CD7: variants seen among roughly 807,000 people sequenced by gnomAD.
CD7 encodes the protein T-cell antigen CD7.
In CD7, 19 loss-of-function variants were observed where a neutral mutation model predicts 17.6. The observed-to-expected ratio is 1.08, with a 90% CI of 0.75 to 1.58. The LOEUF (loss-of-function observed/expected upper bound fraction) is 1.58, where lower values mean the gene tolerates loss of function less well. Among genes scored for constraint, CD7 ranks in the 40% most tolerant of loss-of-function variants. The pLI is 0.00. For synonymous variants in CD7, 160 were observed against 159.8 expected, an observed-to-expected ratio of 1.00 and a Z score of -0.01; for missense variants, 291 against 327.1, an observed-to-expected ratio of 0.89 and a Z score of 0.85.
chr17:82,316,317 G>A lies in CD7; in HGVS notation c.490C>T (p.Pro164Ser). The change falls in exon 3 of 4, where the codon CCG (proline) becomes TCG (serine). Residue 164 changes from proline to serine, a missense_variant. Physicochemically the swap from Pro to Ser is moderately conservative, Grantham distance 74. Transcript: ENST00000312648. Reference protein sequence around the residue: ...APPTGSALPDPQTASALPDPP... With the variant: ...APPTGSALPDSQTASALPDPP... ...TCAGGGAGGGCAGAGGCTGTCTGCG[G>A]GTCAGGGAGGGCGGAGCCTGTCGGT... 10 of 1,574,850 alleles carry A rather than the reference G, an allele frequency of 6.3e-6. No individual in the cohort carries two copies. The highest frequency in any genetic ancestry group is 8.6e-6 in the Non-Finnish European group (10 of 1,158,892).
chr17:82,314,953 T>G lies in CD7; in HGVS notation c.*368A>C. The G allele has an allele frequency of 2.2e-5, 5 of 227,790 alleles. No individual in the cohort carries two copies. Among genetic ancestry groups the G allele is most frequent in the South Asian group, 1.1e-4 (2 of 17,788 alleles). 14.1% of individuals were successfully genotyped at this position (227,790 alleles called of 1,614,324 possible). A position where few individuals can be genotyped will look rare whatever the true frequency, so the allele number is the denominator to read the frequency against. On this transcript the variant is annotated 3_prime_UTR_variant, in exon 4 of 4. Coordinates refer to ENST00000312648, the MANE Select transcript of CD7 (RefSeq NM_006137.7). The surrounding 1 kb of genome is among the most constrained non-coding windows in gnomAD (Gnocchi z 6.0). ...CGTCCTCTGCCGGGCTGCCTGGGGG[T>G]TGGGGGCCTGCTGGTGGGTGGGCCG...
In CD7 at chr17:82,316,804, C is replaced by A; in HGVS notation, c.260G>T (p.Arg87Leu). The stretch of plus-strand genomic sequence containing the variant: ...GTCCTGGGACCCTGAGAAGTCGATG[C>A]GGCCCCGGAACCGTCTGTCCGTAGT... ...VPTTDRRFRGRIDFSGSQDNL... is the reference protein window; with the variant it reads ...VPTTDRRFRGLIDFSGSQDNL... Residue 87 changes from arginine (R) to leucine (L), a missense_variant, in exon 2 of 4, where the codon CGC (arginine) becomes CTC (leucine). Arg to Leu is a moderately radical substitution (Grantham distance 102, BLOSUM62 -2). Coordinates refer to ENST00000312648, the MANE Select transcript of CD7 (RefSeq NM_006137.7). 1.9e-6 allele frequency: 3 copies of A among 1,613,846 alleles called. No individual in the cohort carries two copies. The South Asian group carries it at 3.3e-5, about 18-fold the overall frequency.
chr17:82,317,390 A>G, intron 1 of CD7, 24 bp downstream of exon 1: 1 of 1,544,926 alleles, frequency 6.5e-7, no homozygotes, highest in Non-Finnish European at 8.7e-7. Context: ...AGCTGTGGCC[A>G]TGGAGAGCCT....
chr17:82,316,579 G>A (rs756299347), intron 2 of CD7, 88 bp downstream of exon 2: 1 of 1,437,646 alleles, frequency 7.0e-7, no homozygotes, highest in Non-Finnish European at 9.7e-7. Flanking sequence ...ACATGTAGGA[G>A]GGAGGGTCCC....
Position 82,314,955 on chromosome 17 carries a change from G to C in CD7, c.*366C>G, listed in dbSNP as rs1478347407. On this transcript the variant is annotated 3_prime_UTR_variant, in exon 4 of 4. Transcript: ENST00000312648. This position sits in a 1 kb window ranked among gnomAD's most constrained non-coding sequence, Gnocchi z 6.0. ...TCCTCTGCCGGGCTGCCTGGGGGTTGGGGGCCTGCTGGTGGGTGGGCCGGC... is the reference window on the plus strand; with the variant it reads ...TCCTCTGCCGGGCTGCCTGGGGGTTCGGGGCCTGCTGGTGGGTGGGCCGGC... The C allele has an allele frequency of 4.0e-6, 1 of 247,374 alleles. No individual in the cohort carries two copies. Among genetic ancestry groups the C allele is most frequent in the Non-Finnish European group, 8.3e-6 (1 of 120,590 alleles). The allele number at this position is 247,374 out of a possible 1,614,324, so 15.3% of individuals were successfully genotyped here. A position where few individuals can be genotyped will look rare whatever the true frequency, so the allele number is the denominator to read the frequency against.
At position 82,316,851 on chromosome 17, in the gene CD7, G is replaced by C; in HGVS notation, c.213C>G (p.Tyr71Ter). ...TAGTGGGCACCACCCCGTCCTCGTA[G>C]TAAATGATGTCTTGGGGCTGTGGCC... is the stretch of plus-strand genomic sequence containing the variant. ...QLGPQPQDII[Y>*]YEDGVVPTTD... The change falls in exon 2 of 4, where the codon TAC becomes TAG. Residue 71 changes from tyrosine to a stop codon, truncating the protein, a stop_gained. Coordinates refer to ENST00000312648, the MANE Select transcript of CD7 (RefSeq NM_006137.7). LOFTEE classifies it high-confidence loss of function. The C allele has an allele frequency of 6.2e-7, 1 of 1,613,910 alleles. No homozygotes were observed. The highest frequency in any genetic ancestry group is 8.5e-7 in the Non-Finnish European group (1 of 1,179,998).
chr17:82,315,303 G>T lies in CD7; in HGVS notation c.*18C>A. The T allele has an allele frequency of 6.4e-7, 1 of 1,561,002 alleles. No homozygotes were observed. The highest frequency in any genetic ancestry group is 8.8e-7 in the Non-Finnish European group (1 of 1,133,810). On this transcript the variant is annotated 3_prime_UTR_variant, in exon 4 of 4. Transcript: ENST00000312648. Reference sequence around the variant, plus strand: ...GTGCTGGGGGGACCACAGGCGGGACGTGCAGGGGCCCACTGGGTCACTGGT... The same window carrying T: ...GTGCTGGGGGGACCACAGGCGGGACTTGCAGGGGCCCACTGGGTCACTGGT...
Position 82,316,946 on chromosome 17 carries a change from C to T in CD7, c.118G>A (p.Val40Met), listed in dbSNP as rs137963164. 479 of 1,603,802 alleles carry T rather than the reference C, an allele frequency of 3.0e-4. 3 individuals carry two copies. The African/African-American group carries it at 5.6e-3, about 19-fold the overall frequency. Residue 40 changes from valine (V) to methionine (M), a missense_variant, in exon 2 of 4, where the codon GTG becomes ATG. Val to Met is a conservative substitution (Grantham distance 21). Coordinates refer to ENST00000312648, the MANE Select transcript of CD7 (RefSeq NM_006137.7). ...CAGGTGATGTTGACGGAGGCTCCCA[C>T]GGGGACAGTCGTGCAGTGGGGAGAC... ...QQSPHCTTVP[V>M]GASVNITCST...
rs2052030456 is a variant in CD7, at chr17:82,317,607, A to T, written c.-112T>A. Reference sequence around the variant, plus strand: ...GACCGCAGGCGCTCAGAGCTCAGAGAGGGCTTCCTGGAGGCGGTGCCTCAG... The same window carrying T: ...GACCGCAGGCGCTCAGAGCTCAGAGTGGGCTTCCTGGAGGCGGTGCCTCAG... On this transcript the variant is annotated 5_prime_UTR_variant, in exon 1 of 4. Transcript: ENST00000312648. The T allele has an allele frequency of 2.0e-6, 2 of 1,025,140 alleles. No individual in the cohort carries two copies. The highest frequency in any genetic ancestry group is 5.8e-5 in the Admixed American group (2 of 34,670). The allele number at this position is 1,025,140 out of a possible 1,614,324, so 63.5% of individuals were successfully genotyped here.
Position 82,316,799 on chromosome 17 carries a change from C to T in CD7, c.265G>A (p.Asp89Asn), listed in dbSNP as rs747553606. The part of the protein sequence containing the change: ...TTDRRFRGRI[D>N]FSGSQDNLTI... ...AGGTTGTCCTGGGACCCTGAGAAGT[C>T]GATGCGGCCCCGGAACCGTCTGTCC... The change falls in exon 2 of 4, where the codon GAC (aspartate) becomes AAC (asparagine). Residue 89 changes from aspartate to asparagine, a missense_variant. Physicochemically the swap from Asp to Asn is conservative, Grantham distance 23. Transcript: ENST00000312648. The T allele has an allele frequency of 1.2e-5, 19 of 1,613,910 alleles. No individual in the cohort carries two copies. Among genetic ancestry groups the T allele is most frequent in the Admixed American group, 1.7e-5 (1 of 60,006 alleles).
At position 82,316,261 on chromosome 17, in the gene CD7, G is replaced by T. The variant is rs770893714; in HGVS notation, c.546C>A (p.Ala182=). ...DPPAASALPA[A]LAVISFLLGL... ...CGAGGAGGAAGGAGATCACCGCCAG[G>T]GCCGCAGGGAGGGCAGAGGCTGCTG... Residue 182 remains alanine (A), a synonymous_variant, in exon 3 of 4, where the codon GCC becomes GCA. Transcript: ENST00000312648. 3 of 1,575,840 alleles carry T rather than the reference G, an allele frequency of 1.9e-6. No homozygotes were observed.
At chr17:82,317,038 C>T in intron 1 of CD7, 57 bp from the exon 2 acceptor site, 1 of 1,450,000 alleles carries the variant, frequency 6.9e-7, no homozygotes, top group Non-Finnish European at 9.3e-7. Flanking sequence ...AGAATGTCCT[C>T]CCTGCAGGGG....
Position 82,317,487 on chromosome 17 carries a change from C to G in CD7, c.9G>C (p.Gly3=). 6.4e-7 allele frequency: 1 copy of G among 1,567,278 alleles called. No individual in the cohort carries two copies. Among genetic ancestry groups the G allele is most frequent in the South Asian group, 1.2e-5 (1 of 85,446 alleles). MA[G]PPRLLLLPLL... ...GGGGCAGCAGCAGGAGCCTCGGAGGCCCGGCCATGTTCCCCACACCCAGCT... is the reference window on the plus strand; with the variant it reads ...GGGGCAGCAGCAGGAGCCTCGGAGGGCCGGCCATGTTCCCCACACCCAGCT... The change falls in exon 1 of 4, where the codon GGG becomes GGC. Residue 3 remains glycine (G), a synonymous_variant. Transcript: ENST00000312648.
In CD7 at chr17:82,315,777, C is replaced by G. The variant is rs1404330895; in HGVS notation, c.613-346G>C. ...CTGAGGCCCCCTCCCCTTCCCACGGCCACACAGCACGCCGGCACACTCCAA... is the reference window on the plus strand; with the variant it reads ...CTGAGGCCCCCTCCCCTTCCCACGGGCACACAGCACGCCGGCACACTCCAA... On this transcript the variant is annotated intron_variant, in intron 3 of 3. Coordinates refer to ENST00000312648, the MANE Select transcript of CD7 (RefSeq NM_006137.7). 5.3e-6 allele frequency: 3 copies of G among 562,368 alleles called. No individual in the cohort carries two copies. The African/African-American group carries it at 5.6e-5, about 11-fold the overall frequency. 34.8% of individuals were successfully genotyped at this position (562,368 alleles called of 1,614,324 possible).
chr17:82,316,701 A>G lies in CD7; in HGVS notation c.363T>C (p.Asn121=), dbSNP rs768130487. ...TYTCQAITEV[N]VYGSGTLVLV... ...GGACCAGGGTGCCGGAGCCGTAGACATTGACCTCCGTGATGGCCTGGCAGG... is the reference window on the plus strand; with the variant it reads ...GGACCAGGGTGCCGGAGCCGTAGACGTTGACCTCCGTGATGGCCTGGCAGG... Residue 121 remains asparagine, a synonymous_variant, in exon 2 of 4, where the codon AAT becomes AAC. Transcript: ENST00000312648. 1.2e-6 allele frequency: 2 copies of G among 1,613,414 alleles called. No individual in the cohort carries two copies. Among genetic ancestry groups the G allele is most frequent in the East Asian group, 2.2e-5 (1 of 44,886 alleles).
At chr17:82,316,133 C>A (rs1342311531) in intron 3 of CD7, 62 bp downstream of exon 3, 2 of 1,497,784 alleles carry the variant, frequency 1.3e-6, no homozygotes, top group African/African-American at 1.4e-5. Flanking sequence ...GCGCCCCCCA[C>A]GCTGCTCTCA....
rs867339704 is a variant in CD7 at position 82,316,233 on chromosome 17, G to T, written c.574C>A (p.Leu192Met). ...AGCACACACGCCACCCCCAGGCCCA[G>T]CCCGAGGAGGAAGGAGATCACCGCC... is the stretch of plus-strand genomic sequence containing the variant. Reference protein sequence around the residue: ...ALAVISFLLGLGLGVACVLAR... With the variant: ...ALAVISFLLGMGLGVACVLAR... The change falls in exon 3 of 4, where the codon CTG becomes ATG. Residue 192 changes from leucine to methionine, a missense_variant. Leu to Met is a conservative substitution (Grantham distance 15). Coordinates refer to ENST00000312648, the MANE Select transcript of CD7 (RefSeq NM_006137.7). 1.9e-6 allele frequency: 3 copies of T among 1,570,380 alleles called. No individual in the cohort carries two copies. The highest frequency in any genetic ancestry group is 2.6e-6 in the Non-Finnish European group (3 of 1,157,226).
Position 82,314,997 on chromosome 17 carries a change from C to T in CD7, c.*324G>A, listed in dbSNP as rs11658034. 0.15 allele frequency: 46,841 copies of T among 310,270 alleles called. 4,182 individuals are homozygous for T. The highest frequency in any genetic ancestry group is 0.18 in the Non-Finnish European group (27,331 of 156,026). The allele number at this position is 310,270 out of a possible 1,614,324, so 19.2% of individuals were successfully genotyped here. On this transcript the variant is annotated 3_prime_UTR_variant, in exon 4 of 4. Coordinates refer to ENST00000312648, the MANE Select transcript of CD7 (RefSeq NM_006137.7). The surrounding 1 kb of genome is among the most constrained non-coding windows in gnomAD (Gnocchi z 6.0). ...TGGGCCGGCACTGACAGGAGAGGGC[C>T]GCGTGCCCAGGCCCATCCCACAGAA...
chr17:82,316,012 G>A, intron 3 of CD7, 183 bp downstream of exon 3: 1 of 706,810 alleles, frequency 1.4e-6, no homozygotes, highest in South Asian at 1.6e-5. Context: ...CTCCCCCTCA[G>A]GTCGCTTTGG....
Sources: allele counts gnomAD v4.1 joint callset, GRCh38; gene constraint gnomAD v4.1.1; non-coding constraint Gnocchi (gnomAD v3.1); transcripts MANE v1.5; gene names NCBI Gene and HGNC (gene_info 2026-07-23, HGNC 2026-07-21).